The following KIAA1549L variants were observed in gnomAD, a reference collection of about 807,000 sequenced individuals.
The protein encoded by KIAA1549L is UPF0606 protein KIAA1549L.
Under a neutral mutation model 160.7 loss-of-function variants are expected in KIAA1549L, and 88 were observed. The ratio of observed to expected loss-of-function variants is 0.55; its 90% confidence interval spans 0.46 to 0.65. KIAA1549L has a LOEUF of 0.65. Ranked by LOEUF, KIAA1549L falls within the 30% of genes least tolerant of loss-of-function variation. The pLI, the probability that KIAA1549L is intolerant of heterozygous loss-of-function variation, is 0.00. For synonymous variants in KIAA1549L, 950 were observed against 976.7 expected, an observed-to-expected ratio of 0.97 and a Z score of 0.51; for missense variants, 2,258 against 2,437.5, an observed-to-expected ratio of 0.93 and a Z score of 1.55.
At chr11:33,416,577 T>C (rs1395179111) in intron 1 of KIAA1549L, among the ~76,000 whole-genome samples, 1 of 152,194 alleles carries the variant, frequency 6.6e-6, no homozygotes, top group African/African-American at 2.4e-5. Flanking sequence ...GTAGATATGA[T>C]TTAAACCATA....
At chr11:33,619,426 A>C (rs1850903412) in intron 16 of KIAA1549L, among the ~76,000 whole-genome samples, 1 of 152,256 alleles carries the variant, frequency 6.6e-6, no homozygotes, top group South Asian at 2.1e-4. Context: ...TTTTTTCTTT[A>C]ATAAGAGTTA....
intron 1 of KIAA1549L, among the ~76,000 whole-genome samples, chr11:33,398,948 G>A (rs1043371831): frequency 1.1e-5 from 1 of 87,484 alleles, no homozygotes; most frequent in Non-Finnish European, 2.5e-5. Flanking sequence ...ACTCCAGTGA[G>A]TGTTTTTTTT....
chr11:33,517,424 T>A (rs968265287), intron 1 of KIAA1549L, among the ~76,000 whole-genome samples: 3 of 152,028 alleles, frequency 2.0e-5, no homozygotes, highest in African/African-American at 7.2e-5. Context: ...ATACCTAGGG[T>A]AATATCCATA....
At chr11:33,526,760 A>G (rs1174329151) in intron 1 of KIAA1549L, among the ~76,000 whole-genome samples, 3 of 152,210 alleles carry the variant, frequency 2.0e-5, no homozygotes, top group African/African-American at 7.2e-5. Flanking sequence ...ATAACACCCT[A>G]AAAGACCACA....
chr11:33,479,751 G>A (rs1455715775), intron 1 of KIAA1549L, among the ~76,000 whole-genome samples: 1 of 152,152 alleles, frequency 6.6e-6, no homozygotes, highest in African/African-American at 2.4e-5. Flanking sequence ...GAATTGTTGG[G>A]AGGGAAAACA....
chr11:33,450,701 G>C (rs1851704392), intron 1 of KIAA1549L: 1 of 152,312 alleles, frequency 6.6e-6, no homozygotes, highest in South Asian at 2.1e-4. Flanking sequence ...ACCCTGTGCT[G>C]TTTTCCAGAG....
In KIAA1549L at chr11:33,668,749, T is replaced by C. The variant is rs1185149208; in HGVS notation, c.*595T>C. ...AAGTCAGTACCAATGGCTGTGCCTATAAATAGACCTGATTCTTTGTTTCCC... is the reference window on the plus strand; with the variant it reads ...AAGTCAGTACCAATGGCTGTGCCTACAAATAGACCTGATTCTTTGTTTCCC... On this transcript the variant is annotated 3_prime_UTR_variant, in exon 21 of 21. Transcript: ENST00000658780. The C allele has an allele frequency of 1.3e-5, 2 of 152,528 alleles. No homozygotes were observed. Among genetic ancestry groups the C allele is most frequent in the African/African-American group, 4.8e-5 (2 of 41,460 alleles). The allele number at this position is 152,528 out of a possible 1,614,324, so 9.4% of individuals were successfully genotyped here. A position where few individuals can be genotyped will look rare whatever the true frequency, so the allele number is the denominator to read the frequency against.
At chr11:33,467,981 A>G (rs550300363) in intron 1 of KIAA1549L, among the ~76,000 whole-genome samples, 54 of 152,362 alleles carry the variant, frequency 3.5e-4, no homozygotes, top group African/African-American at 9.6e-4. Context: ...CCTGTCATTA[A>G]TTCCCTGCAT....
rs1257373692 is a variant in KIAA1549L, at chr11:33,610,666, T to C, written c.5279+700T>C. Among the ~76,000 whole-genome samples, 3 of 152,184 alleles carry C rather than the reference T, an allele frequency of 2.0e-5. 1 individual carries two copies. Among genetic ancestry groups the C allele is most frequent in the Non-Finnish European group, 4.4e-5 (3 of 68,042 alleles). On this transcript the variant is annotated intron_variant, in intron 15 of 20. Transcript: ENST00000658780. ...TGACAAGTGTGGTAGGTGTTTGAAG[T>C]ATGAGGTGCTGTAACGATCTAAAAG...
chr11:33,606,390 A>C (rs770486426), intron 13 of KIAA1549L, among the ~76,000 whole-genome samples: 2 of 152,202 alleles, frequency 1.3e-5, no homozygotes, highest in Non-Finnish European at 2.9e-5. Flanking sequence ...AATGGTTCTT[A>C]CTGTTTAAAT....
At chr11:33,453,957 C>T (rs1851771454) in intron 1 of KIAA1549L, among the ~76,000 whole-genome samples, 1 of 152,196 alleles carries the variant, frequency 6.6e-6, no homozygotes, top group South Asian at 2.1e-4. Context: ...ATTATTTCCC[C>T]CTTCACTCCC....
intron 9 of KIAA1549L, 31 bp from the exon 10 acceptor site, chr11:33,574,671 T>C (rs2133248080): frequency 6.3e-7 from 1 of 1,594,408 alleles, no homozygotes; most frequent in Non-Finnish European, 8.6e-7. Flanking sequence ...CAAAATGCCC[T>C]GCAAACACTC....
intron 1 of KIAA1549L, among the ~76,000 whole-genome samples, chr11:33,393,974 A>G (rs570268203): frequency 2.6e-5 from 4 of 152,340 alleles, no homozygotes; most frequent in East Asian, 1.9e-4. Flanking sequence ...CTTTTTGACC[A>G]TTCTGCCTAC....
intron 10 of KIAA1549L, among the ~76,000 whole-genome samples, chr11:33,575,367 G>A (rs1462639266): frequency 1.3e-5 from 2 of 152,210 alleles, no homozygotes; most frequent in Admixed American, 1.3e-4. Flanking sequence ...GTCAGCAGAG[G>A]GAGGGTTTGC....
At chr11:33,405,648 C>T (rs1850630308) in intron 1 of KIAA1549L, among the ~76,000 whole-genome samples, 1 of 151,480 alleles carries the variant, frequency 6.6e-6, no homozygotes, top group South Asian at 2.1e-4. Context: ...TAGAGAACAT[C>T]CTGGCCAACA....
intron 16 of KIAA1549L, among the ~76,000 whole-genome samples, chr11:33,620,969 C>G (rs1346655804): frequency 6.6e-6 from 1 of 152,178 alleles, no homozygotes; most frequent in Non-Finnish European, 1.5e-5. Context: ...GTGAGCCGGT[C>G]ATTCAATTGG....
intron 1 of KIAA1549L, among the ~76,000 whole-genome samples, chr11:33,431,976 C>T (rs1851255914): frequency 1.3e-5 from 2 of 152,242 alleles, no homozygotes; most frequent in African/African-American, 2.4e-5. Flanking sequence ...CCTCCGTAGC[C>T]ACTGGCCCGG....
chr11:33,394,391 T>TAATAAATA lies in KIAA1549L; in HGVS notation c.238+17525_238+17532dup, dbSNP rs34927211. Among the ~76,000 whole-genome samples the TAATAAATA allele has an allele frequency of 4.2e-3, 436 of 103,192 alleles. 1 individual carries two copies. Among genetic ancestry groups the TAATAAATA allele is most frequent in the African/African-American group, 0.012 (378 of 31,860 alleles). The allele number at this position is 103,192 out of a possible 152,430, so 67.7% of individuals were successfully genotyped here. A position where few individuals can be genotyped will look rare whatever the true frequency, so the allele number is the denominator to read the frequency against. On this transcript the variant is annotated intron_variant, in intron 1 of 20. Coordinates refer to ENST00000658780, the MANE Select transcript of KIAA1549L (RefSeq NM_012194.3). ...ACAGAGCCAGATCCTAACTCATAAATAATAAATAAATAAATAAATAAATAA... is the reference window on the plus strand; with the variant it reads ...ACAGAGCCAGATCCTAACTCATAAATAATAAATAAATAAATAAATAAATAAATAAATAA...
At chr11:33,553,970 A>T (rs1485092341) in intron 6 of KIAA1549L, among the ~76,000 whole-genome samples, 1 of 152,196 alleles carries the variant, frequency 6.6e-6, no homozygotes, top group Non-Finnish European at 1.5e-5. Flanking sequence ...TAGATTTTAG[A>T]TGCTCTTGAA....
Sources: allele counts gnomAD v4.1 joint callset (sites outside exome capture counted in the v4.1 genomes callset), GRCh38; gene constraint gnomAD v4.1.1; transcripts MANE v1.5; gene names NCBI Gene and HGNC (gene_info 2026-07-23, HGNC 2026-07-21).